The following C1orf159 variants were observed in gnomAD, a reference collection of about 807,000 sequenced individuals.
C1orf159 encodes the protein uncharacterized protein C1orf159.
Under a neutral mutation model 25.6 loss-of-function variants are expected in C1orf159, and 19 were observed. The ratio of observed to expected loss-of-function variants is 0.74; its 90% CI spans 0.52 to 1.09. The LOEUF (loss-of-function observed/expected upper bound fraction) is 1.09, where lower values mean the gene tolerates loss of function less well. C1orf159 is among the 50% of genes least tolerant of loss of function. The pLI, the probability that C1orf159 is intolerant of heterozygous loss-of-function variation, is 0.00. For missense variants in C1orf159, 274 were observed against 290.6 expected, an observed-to-expected ratio of 0.94 and a Z score of 0.42; for synonymous variants, 139 against 124.7, an observed-to-expected ratio of 1.12 and a Z score of -0.77.
At position 1,082,985 on chromosome 1, in the gene C1orf159, G is replaced by C. The variant is rs763525638; in HGVS notation, c.505C>G (p.Arg169Gly). 2 of 1,594,208 alleles carry C rather than the reference G, an allele frequency of 1.3e-6. No homozygotes were observed. The highest frequency in any genetic ancestry group is 2.3e-5 in the East Asian group (1 of 44,078). ...AMIPPPQSSV[R>G]KPRYVRRERP... is the part of the protein sequence containing the mutation. ...TCCCGCCTGACGTAGCGCGGCTTCC[G>C]TACTGAAACGGGTCAGAGACAGGCG... Residue 169 changes from arginine (R) to glycine (G), a missense_variant and splice_region_variant, in exon 10 of 10, where the codon CGG (arginine) becomes GGG (glycine). Physicochemically the swap from Arg to Gly is moderately radical, Grantham distance 125. Coordinates refer to ENST00000421241, the MANE Select transcript of C1orf159 (RefSeq NM_017891.5).
chr1:1,109,616 C>T (rs1205519080), intron 1 of C1orf159, among the ~76,000 whole-genome samples: 1 of 151,984 alleles, frequency 6.6e-6, no homozygotes, highest in Non-Finnish European at 1.5e-5. Flanking sequence ...ACATGCCTGC[C>T]ACCATATCTG....
chr1:1,085,869 G>T lies in C1orf159; in HGVS notation c.445+9C>A. On this transcript the variant is annotated intron_variant, in intron 7 of 9. Transcript: ENST00000421241. Reference sequence around the variant, plus strand: ...CCTCCCGTGGGGCAGGTGCTGGTCCGGGAGATACCTTTGTTTCTTCTGTAG... The same window carrying T: ...CCTCCCGTGGGGCAGGTGCTGGTCCTGGAGATACCTTTGTTTCTTCTGTAG... 1 of 1,612,826 alleles carries T rather than the reference G, an allele frequency of 6.2e-7. No homozygotes were observed. The highest frequency in any genetic ancestry group is 1.1e-5 in the South Asian group (1 of 91,034).
chr1:1,084,619 C>CG, intron 7 of C1orf159, 113 bp from the exon 8 acceptor site: 7 of 1,361,780 alleles, frequency 5.1e-6, no homozygotes, highest in Non-Finnish European at 4.0e-6. Flanking sequence ...CAGCCCAGTG[C>CG]GGCGTCCTCG....
At chr1:1,103,054 G>A (rs1271984979) in intron 1 of C1orf159, among the ~76,000 whole-genome samples, 3 of 151,904 alleles carry the variant, frequency 2.0e-5, no homozygotes, top group African/African-American at 7.2e-5. Flanking sequence ...TGTTGGTCAG[G>A]CTTGTCTTGA....
At chr1:1,106,879 C>CA (rs1646179721) in intron 1 of C1orf159, 1 of 152,662 alleles carries the variant, frequency 6.6e-6, no homozygotes, top group African/African-American at 2.4e-5. Context: ...CACCTGCCGG[C>CA]ACCCCCGGCC....
intron 1 of C1orf159, among the ~76,000 whole-genome samples, chr1:1,093,922 G>A (rs1645975406): frequency 6.6e-6 from 1 of 152,236 alleles, no homozygotes; most frequent in Non-Finnish European, 1.5e-5. Flanking sequence ...CACGCAGGGT[G>A]TCCGTGCATG....
chr1:1,115,104 G>A (rs1190476977), intron 1 of C1orf159: 1 of 152,150 alleles, frequency 6.6e-6, no homozygotes, highest in Non-Finnish European at 1.5e-5. Flanking sequence ...AAAAAAAGGA[G>A]GCCAAGTTTG....
At position 1,110,781 on chromosome 1, in the gene C1orf159, C is replaced by G. The variant is rs567214101; in HGVS notation, c.-136+5279G>C. 6.6e-6 allele frequency among the ~76,000 whole-genome samples: 1 copy of G among 152,234 alleles called. No homozygotes were observed. Among genetic ancestry groups the G allele is most frequent in the African/African-American group, 2.4e-5 (1 of 41,462 alleles). On this transcript the variant is annotated intron_variant, in intron 1 of 9. Coordinates refer to ENST00000421241, the MANE Select transcript of C1orf159 (RefSeq NM_017891.5). This position sits in a 1 kb window ranked among gnomAD's most constrained non-coding sequence, Gnocchi z 4.8. ...GCCCTCAGAGACGACGAGCACGCAA[C>G]AGCGCATCCCACACCCACTCCTTGT...
rs185699600 is a variant in C1orf159, at chr1:1,112,253, C to T, written c.-136+3807G>A. On this transcript the variant is annotated intron_variant, in intron 1 of 9. Transcript: ENST00000421241. Reference sequence around the variant, plus strand: ...TCCCGATACGATCTCAGGAACTGGGCGAGTTGGCTCAAGCGTGTGCACTGA... The same window carrying T: ...TCCCGATACGATCTCAGGAACTGGGTGAGTTGGCTCAAGCGTGTGCACTGA... Among the ~76,000 whole-genome samples the T allele has an allele frequency of 6.6e-4, 100 of 152,340 alleles. No individual in the cohort carries two copies. In the East Asian group the frequency reaches 0.015, roughly 23 times the overall value.
At chr1:1,111,954 G>C (rs1646262342) in intron 1 of C1orf159, among the ~76,000 whole-genome samples, 1 of 152,256 alleles carries the variant, frequency 6.6e-6, no homozygotes, top group Non-Finnish European at 1.5e-5. Context: ...CCTTGATGGG[G>C]TGTAAAGGAG....
At chr1:1,099,636 GA>G in intron 1 of C1orf159, among the ~76,000 whole-genome samples, 1 of 152,102 alleles carries the variant, frequency 6.6e-6, no homozygotes, top group African/African-American at 2.4e-5. Context: ...TGGAGAGAGA[GA>G]GGTTAAAATC....
intron 1 of C1orf159, among the ~76,000 whole-genome samples, chr1:1,109,431 T>C (rs569796609): frequency 6.6e-6 from 1 of 152,156 alleles, no homozygotes; most frequent in East Asian, 1.9e-4. Context: ...CTTTTTCCTT[T>C]CCTCTTTTCT....
At chr1:1,103,530 G>A (rs932200255) in intron 1 of C1orf159, among the ~76,000 whole-genome samples, 7 of 152,164 alleles carry the variant, frequency 4.6e-5, no homozygotes, top group East Asian at 1.9e-4. Context: ...TCACACCTGC[G>A]GTGAGCGGTG....
chr1:1,087,466 G>T lies in C1orf159; in HGVS notation c.244+36C>A. On this transcript the variant is annotated intron_variant, in intron 5 of 9. Transcript: ENST00000421241. The surrounding 1 kb of genome is among the most constrained non-coding windows in gnomAD (Gnocchi z 8.3). ...CACAGTGTCTCCCACAGCTGGAGCT[G>T]TGAGAAGGGAGCCGGGGGGAGCCGG... 1 of 1,517,446 alleles carries T rather than the reference G, an allele frequency of 6.6e-7. No homozygotes were observed. Among genetic ancestry groups the T allele is most frequent in the Non-Finnish European group, 8.9e-7 (1 of 1,120,078 alleles). 94.0% of individuals were successfully genotyped at this position (1,517,446 alleles called of 1,614,324 possible).
chr1:1,103,327 T>C (rs1042464432), intron 1 of C1orf159, among the ~76,000 whole-genome samples: 1 of 152,218 alleles, frequency 6.6e-6, no homozygotes, highest in African/African-American at 2.4e-5. Context: ...ACAATTGATA[T>C]CTGTTGTCTT....
intron 3 of C1orf159, chr1:1,090,695 G>GGCGGCACCCGCAGGCCATGGCA: frequency 1.4e-6 from 1 of 709,598 alleles, no homozygotes; most frequent in Non-Finnish European, 2.4e-6. Flanking sequence ...ACCCCCAGGA[G>GGCGGCACCCGCAGGCCATGGCA]GCGGCACCCG....
At chr1:1,085,843 C>CT in intron 7 of C1orf159, 35 bp downstream of exon 7, 1 of 1,610,452 alleles carries the variant, frequency 6.2e-7, no homozygotes, top group Non-Finnish European at 8.5e-7. Flanking sequence ...CTGCCCTGTG[C>CT]CCTCCCGTGG....
chr1:1,091,097 T>C (rs1645924096), intron 3 of C1orf159: 4 of 881,784 alleles, frequency 4.5e-6, no homozygotes, highest in Non-Finnish European at 6.9e-6. Flanking sequence ...GCCAGGACAG[T>C]GAGGGGTCCC....
intron 1 of C1orf159, among the ~76,000 whole-genome samples, chr1:1,111,155 T>G (rs1172274974): frequency 6.6e-6 from 1 of 152,168 alleles, no homozygotes; most frequent in Non-Finnish European, 1.5e-5. Flanking sequence ...GGATGAAAAT[T>G]TCTACAAGGC....
Sources: gnomAD v4.1 joint callset for allele counts (sites outside exome capture counted in the v4.1 genomes callset) on GRCh38, gnomAD v4.1.1 for gene constraint, Gnocchi (gnomAD v3.1) non-coding constraint, MANE v1.5 for transcripts, NCBI Gene and HGNC (gene_info 2026-07-23, HGNC 2026-07-21) for gene names.